KLHL32: variants seen among roughly 807,000 people sequenced by gnomAD.
KLHL32 encodes kelch like family member 32.
Under a neutral mutation model 64.8 loss-of-function variants are expected in KLHL32, and 35 were observed. The ratio of observed to expected loss-of-function variants is 0.54; its 90% CI spans 0.41 to 0.72. The LOEUF is 0.72. KLHL32 is among the 30% of genes least tolerant of loss of function. The probability of loss-of-function intolerance (pLI) is 0.00; values close to 1 mark genes in which losing one functional copy is unlikely to be tolerated. For synonymous variants in KLHL32, 259 were observed against 281.0 expected (o/e 0.92, Z 0.78); for missense variants, 589 against 768.5 (o/e 0.77, Z 2.76).
chr6:96,918,218 A>C, the KLHL32 span, among the ~76,000 whole-genome samples: 1 of 152,202 alleles, frequency 6.6e-6, no homozygotes. Flanking sequence ...CCTAGCAAGG[A>C]TGCGTAGGGT....
At chr6:96,930,831 A>G (rs1769784682) in intron 1 of KLHL32, among the ~76,000 whole-genome samples, 1 of 152,082 alleles carries the variant, frequency 6.6e-6, no homozygotes, top group Admixed American at 6.5e-5. Context: ...GTCACAAGGA[A>G]AAGGAGGGAG....
At chr6:96,929,335 A>G (rs899356204) in intron 1 of KLHL32, among the ~76,000 whole-genome samples, 4 of 152,198 alleles carry the variant, frequency 2.6e-5, no homozygotes, top group Non-Finnish European at 5.9e-5. Flanking sequence ...TGAAAAAATG[A>G]TACTGTAAGG....
At chr6:96,949,708 A>G (rs919946825) in intron 1 of KLHL32, among the ~76,000 whole-genome samples, 2 of 152,100 alleles carry the variant, frequency 1.3e-5, no homozygotes, top group African/African-American at 4.8e-5. Context: ...CATTGTTTAA[A>G]TATTCATAGT....
At chr6:97,054,802 A>T (rs1438411806) in intron 4 of KLHL32, among the ~76,000 whole-genome samples, 3 of 152,186 alleles carry the variant, frequency 2.0e-5, no homozygotes, top group Non-Finnish European at 4.4e-5. Flanking sequence ...GGCACAGCCC[A>T]AAGAATACAG....
rs1384381897 is a variant in KLHL32, at chr6:96,976,069, G to A, written c.96G>A (p.Leu32=). The A allele has an allele frequency of 6.2e-7, 1 of 1,609,184 alleles. No individual in the cohort carries two copies. The highest frequency in any genetic ancestry group is 1.7e-5 in the Admixed American group (1 of 59,682). Residue 32 remains leucine, a synonymous_variant, in exon 3 of 11, where the codon CTG becomes CTA. Transcript: ENST00000369261. ...ACAATGACAGTGTCCTGGCAGCGCTGAATCAGCAGAGGAGTGATGGCATCC... is the reference window on the plus strand; with the variant it reads ...ACAATGACAGTGTCCTGGCAGCGCTAAATCAGCAGAGGAGTGATGGCATCC... ...ESHNDSVLAA[L]NQQRSDGILC... is the part of the protein sequence containing the mutation.
the KLHL32 span, among the ~76,000 whole-genome samples, chr6:96,916,603 T>C: frequency 0.58 from 88,940 of 152,060 alleles, 26,588 homozygotes; most frequent in African/African-American, 0.7. Context: ...AACTGCTTCA[T>C]TGGTTCTTCC....
At chr6:96,963,034 G>A (rs1360666812) in intron 1 of KLHL32, among the ~76,000 whole-genome samples, 1 of 152,162 alleles carries the variant, frequency 6.6e-6, no homozygotes, top group Non-Finnish European at 1.5e-5. Context: ...CCTGTTGTAG[G>A]GGAGGGGGAA....
intron 8 of KLHL32, 125 bp downstream of exon 8, chr6:97,127,587 A>G (rs1047414051): frequency 4.7e-5 from 38 of 811,612 alleles, no homozygotes; most frequent in Non-Finnish European, 7.1e-5. Context: ...TATAGAGAAA[A>G]GGAAGCATCT....
intron 3 of KLHL32, among the ~76,000 whole-genome samples, chr6:96,980,262 A>T (rs2128048471): frequency 6.6e-6 from 1 of 152,280 alleles, no homozygotes; most frequent in South Asian, 2.1e-4. Context: ...GGAATGCTCC[A>T]GCTTTTACCT....
At chr6:96,907,327 T>TA in the KLHL32 span, among the ~76,000 whole-genome samples, 3 of 152,190 alleles carry the variant, frequency 2.0e-5, no homozygotes, top group Non-Finnish European at 4.4e-5. Context: ...TCATTATTTT[T>TA]AAAAAATCCT....
intron 3 of KLHL32, among the ~76,000 whole-genome samples, chr6:97,026,809 G>A (rs2128109738): frequency 6.6e-6 from 1 of 152,272 alleles, no homozygotes; most frequent in Non-Finnish European, 1.5e-5. Context: ...GATAATAAGT[G>A]ATAACTGAGG....
intron 3 of KLHL32, among the ~76,000 whole-genome samples, chr6:97,012,237 A>G (rs760561544): frequency 3.3e-5 from 5 of 152,212 alleles, no homozygotes; most frequent in Non-Finnish European, 5.9e-5. Flanking sequence ...TAATGAAGTG[A>G]TGGACCTTGA....
chr6:97,111,217 G>A (rs577613527), intron 6 of KLHL32, among the ~76,000 whole-genome samples: 3 of 152,202 alleles, frequency 2.0e-5, no homozygotes, highest in African/African-American at 7.2e-5. Flanking sequence ...TCACCTGCAG[G>A]AAAGAGAGAG....
intron 6 of KLHL32, among the ~76,000 whole-genome samples, chr6:97,087,404 C>A (rs930352658): frequency 5.9e-5 from 9 of 152,154 alleles, no homozygotes; most frequent in African/African-American, 2.2e-4. Context: ...GGATTAGTGT[C>A]AGGGTGCTTT....
At chr6:96,983,645 C>A (rs1263213840) in intron 3 of KLHL32, among the ~76,000 whole-genome samples, 1 of 152,242 alleles carries the variant, frequency 6.6e-6, no homozygotes, top group African/African-American at 2.4e-5. Context: ...TCCATTTCTT[C>A]TAGATTTTCT....
chr6:97,094,839 C>A (rs1253362313), intron 6 of KLHL32, among the ~76,000 whole-genome samples: 1 of 152,174 alleles, frequency 6.6e-6, no homozygotes, highest in African/African-American at 2.4e-5. Flanking sequence ...AGGCTGAGGA[C>A]ACATATCTTC....
chr6:96,984,919 T>A, intron 3 of KLHL32, among the ~76,000 whole-genome samples: 1 of 152,188 alleles, frequency 6.6e-6, no homozygotes. Flanking sequence ...GTCATTATGA[T>A]CTTAGCTGGT....
At chr6:96,915,867 C>T in the KLHL32 span, among the ~76,000 whole-genome samples, 4 of 152,134 alleles carry the variant, frequency 2.6e-5, no homozygotes, top group Admixed American at 2.6e-4. Flanking sequence ...GCTCTTTGCC[C>T]TCCCCCATCG....
intron 3 of KLHL32, 42 bp from the exon 4 acceptor site, chr6:97,041,450 G>C (rs763136845): frequency 7.3e-7 from 1 of 1,375,048 alleles, no homozygotes; most frequent in East Asian, 2.3e-5. Flanking sequence ...CTCCCTTGCT[G>C]TCAAAGTCTC....
Sources: gnomAD v4.1 joint callset for allele counts (sites outside exome capture counted in the v4.1 genomes callset) on GRCh38, gnomAD v4.1.1 for gene constraint, MANE v1.5 for transcripts, NCBI Gene and HGNC (gene_info 2026-07-23, HGNC 2026-07-21) for gene names.